ACACA: variants seen among roughly 807,000 people sequenced by gnomAD.
ACACA encodes acetyl-CoA carboxylase alpha.
In ACACA, 103 loss-of-function variants were observed where a neutral mutation model predicts 296.1. That is an observed-to-expected ratio of 0.35 (90% CI 0.30 to 0.41). ACACA has a LOEUF of 0.41. ACACA is among the 10% of genes least tolerant of loss of function. ACACA has a pLI of 1.00. For synonymous variants in ACACA, 953 were observed against 1,038.6 expected, an observed-to-expected ratio of 0.92 and a Z score of 1.58; for missense variants, 1,554 against 2,989.7, an observed-to-expected ratio of 0.52 and a Z score of 11.20.
intron 29 of ACACA, among the ~76,000 whole-genome samples, chr17:37,218,600 A>T (rs2079142653): frequency 6.6e-6 from 1 of 152,206 alleles, no homozygotes; most frequent in Non-Finnish European, 1.5e-5. Flanking sequence ...TCCAAAATGA[A>T]TCGGGTCTTG....
At chr17:37,162,623 C>T in intron 41 of ACACA, 2 of 279,760 alleles carry the variant, frequency 7.1e-6, no homozygotes, top group South Asian at 7.4e-5. Context: ...GCTATGAACG[C>T]CTTGGGCACA....
Position 37,224,976 on chromosome 17 carries a change from AT to A in ACACA, c.3474+15del. 8.3e-7 allele frequency: 1 copy of A among 1,202,814 alleles called. No individual in the cohort carries two copies. Among genetic ancestry groups the A allele is most frequent in the Non-Finnish European group, 1.2e-6 (1 of 838,264 alleles). 74.5% of individuals were successfully genotyped at this position (1,202,814 alleles called of 1,614,324 possible). On this transcript the variant is annotated intron_variant, in intron 27 of 55. Coordinates refer to ENST00000616317, the MANE Select transcript of ACACA (RefSeq NM_198834.3). Reference sequence around the variant, plus strand: ...ATAGGCAGGAAAGGGTTATATATATATATATATATATATACCTGCAGGTTCT... The same window carrying A: ...ATAGGCAGGAAAGGGTTATATATATAATATATATATATACCTGCAGGTTCT...
rs180881234 is a variant in ACACA at position 37,219,473 on chromosome 17, C to T, written c.3683+2251G>A. On this transcript the variant is annotated intron_variant, in intron 29 of 55. Transcript: ENST00000616317. ...CCAGTTGGTCAGAAGTGCAAGTGGC[C>T]AGGGGACCCCACTTATGGCCCCATC... Among the ~76,000 whole-genome samples, 52 of 152,020 alleles carry T rather than the reference C, an allele frequency of 3.4e-4. No homozygotes were observed. In the East Asian group the frequency reaches 0.01, roughly 29 times the overall value.
At chr17:37,305,368 T>C (rs926638530) in intron 3 of ACACA, among the ~76,000 whole-genome samples, 1 of 152,236 alleles carries the variant, frequency 6.6e-6, no homozygotes. Context: ...ATTTTCTTTT[T>C]ATTTCTTGGT....
chr17:37,376,524 T>C (rs72828231), intron 1 of ACACA, among the ~76,000 whole-genome samples: 5,486 of 152,308 alleles, frequency 0.036, 128 homozygotes, highest in Non-Finnish European at 0.053. Context: ...TGTAAATAGC[T>C]AGACGGTGAT....
chr17:37,287,616 G>A (rs975590866), intron 3 of ACACA, among the ~76,000 whole-genome samples: 2 of 150,196 alleles, frequency 1.3e-5, no homozygotes, highest in East Asian at 2.0e-4. Context: ...GGTGGTGCAC[G>A]TCTGTAATCC....
intron 3 of ACACA, among the ~76,000 whole-genome samples, chr17:37,319,376 T>A (rs1369894131): frequency 6.6e-6 from 1 of 152,044 alleles, no homozygotes; most frequent in Non-Finnish European, 1.5e-5. Context: ...CTCATTTTAG[T>A]AAAAAAATAT....
intron 12 of ACACA, 80 bp from the exon 13 acceptor site, chr17:37,258,453 AT>A: frequency 1.4e-6 from 2 of 1,416,164 alleles, no homozygotes; most frequent in African/African-American, 1.4e-5. Flanking sequence ...AACCTAAAAT[AT>A]TTTTATTTTT....
intron 3 of ACACA, among the ~76,000 whole-genome samples, chr17:37,286,788 C>A (rs2082794859): frequency 6.6e-6 from 1 of 152,110 alleles, no homozygotes; most frequent in Non-Finnish European, 1.5e-5. Flanking sequence ...TGAGTACCAG[C>A]TACCCAAAGC....
At chr17:37,156,021 T>C (rs1375091876) in intron 42 of ACACA, among the ~76,000 whole-genome samples, 1 of 151,612 alleles carries the variant, frequency 6.6e-6, no homozygotes, top group African/African-American at 2.4e-5. Context: ...ATTCCAAGTA[T>C]ATTCCCTTCA....
intron 1 of ACACA, among the ~76,000 whole-genome samples, chr17:37,382,213 AGAG>A (rs1421228359): frequency 6.6e-6 from 1 of 152,052 alleles, no homozygotes; most frequent in East Asian, 1.9e-4. Context: ...TACCCTCACT[AGAG>A]GTTGGTTCCA....
At chr17:37,401,205 T>C (rs2051276340) in intron 1 of ACACA, among the ~76,000 whole-genome samples, 1 of 151,178 alleles carries the variant, frequency 6.6e-6, no homozygotes, top group Non-Finnish European at 1.5e-5. Context: ...TCTTTTTTTT[T>C]TTTTTTTGAG....
intron 25 of ACACA, among the ~76,000 whole-genome samples, chr17:37,227,283 A>G (rs2079581834): frequency 6.6e-6 from 1 of 152,220 alleles, no homozygotes; most frequent in African/African-American, 2.4e-5. Flanking sequence ...ATCTAAGCTG[A>G]AAAAAATGTA....
chr17:37,391,604 C>T (rs1406825446), intron 1 of ACACA: 3 of 1,565,806 alleles, frequency 1.9e-6, no homozygotes, highest in Non-Finnish European at 2.6e-6. Context: ...GAACTATACA[C>T]TTGCATCCTT....
chr17:37,229,764 T>TG (rs2079758523), intron 25 of ACACA, among the ~76,000 whole-genome samples: 1 of 151,724 alleles, frequency 6.6e-6, no homozygotes, highest in Non-Finnish European at 1.5e-5. Flanking sequence ...AAGCGAACTA[T>TG]GGAGATTAGA....
chr17:37,247,646 C>A (rs893459419), intron 18 of ACACA, among the ~76,000 whole-genome samples: 1 of 152,130 alleles, frequency 6.6e-6, no homozygotes, highest in African/African-American at 2.4e-5. Flanking sequence ...GGATTACAGG[C>A]GTGAGCCACC....
At chr17:37,257,961 G>T in intron 13 of ACACA, 95 bp from the exon 14 acceptor site, 1 of 1,471,238 alleles carries the variant, frequency 6.8e-7, no homozygotes, top group Non-Finnish European at 9.4e-7. Flanking sequence ...ATCACACACA[G>T]AAGCAGAGAA....
In ACACA at chr17:37,113,235, G is replaced by C. The variant is rs1452594233; in HGVS notation, c.6305C>G (p.Ala2102Gly). 2 of 1,614,228 alleles carry C rather than the reference G, an allele frequency of 1.2e-6. No homozygotes were observed. The highest frequency in any genetic ancestry group is 4.5e-5 in the East Asian group (2 of 44,892). Reference sequence around the variant, plus strand: ...CTCCCTCAAGCCATCCACAATGTAAGCACCAAACTTCAGCACTTGGTCGTA... The same window carrying C: ...CTCCCTCAAGCCATCCACAATGTAACCACCAAACTTCAGCACTTGGTCGTA... The part of the protein sequence containing the change: ...DMYDQVLKFG[A>G]YIVDGLRECC... Residue 2102 changes from alanine (A) to glycine (G), a missense_variant, in exon 51 of 56, where the codon GCT becomes GGT. By Grantham distance (60) the Ala-to-Gly change is moderately conservative. This residue lies in a region of ACACA where 553 missense variants were observed against 1,043.6 expected (regional missense o/e 0.53). Coordinates refer to ENST00000616317, the MANE Select transcript of ACACA (RefSeq NM_198834.3). The surrounding 1 kb of genome is among the most constrained non-coding windows in gnomAD (Gnocchi z 4.0).
chr17:37,212,128 A>G (rs1013567191), intron 29 of ACACA, among the ~76,000 whole-genome samples: 3 of 152,196 alleles, frequency 2.0e-5, no homozygotes, highest in Non-Finnish European at 4.4e-5. Context: ...GAACTCTACA[A>G]CCAAAGAAAC....
Sources: gnomAD v4.1 joint callset for allele counts (sites outside exome capture counted in the v4.1 genomes callset) on GRCh38, gnomAD v4.1.1 for gene constraint, gnomAD v4.1.1 regional missense constraint, Gnocchi (gnomAD v3.1) non-coding constraint, MANE v1.5 for transcripts, NCBI Gene and HGNC (gene_info 2026-07-23, HGNC 2026-07-21) for gene names.